Variants in SMIM28 observed in about 807,000 individuals in gnomAD.
SMIM28 encodes small integral membrane protein 28.
intron 1 of SMIM28, among the ~76,000 whole-genome samples, chr6:138,379,106 T>TA (rs1013458928): frequency 5.3e-5 from 8 of 152,086 alleles, no homozygotes; most frequent in South Asian, 2.1e-4. Flanking sequence ...TTTCCACATT[T>TA]AAAAAAAATC....
chr6:138,382,899 T>C lies in SMIM28; in HGVS notation c.*52T>C. 1 of 398,364 alleles carries C rather than the reference T, an allele frequency of 2.5e-6. No homozygotes were observed. Among genetic ancestry groups the C allele is most frequent in the Middle Eastern group, 6.3e-4 (1 of 1,588 alleles). 24.7% of individuals were successfully genotyped at this position (398,364 alleles called of 1,614,324 possible). A position where few individuals can be genotyped will look rare whatever the true frequency, so the allele number is the denominator to read the frequency against. On this transcript the variant is annotated 3_prime_UTR_variant, in exon 2 of 2. Coordinates refer to ENST00000573100, the MANE Select transcript of SMIM28 (RefSeq NM_001368163.3). The stretch of plus-strand genomic sequence containing the variant: ...AAAAATAAACTGCTCTTGGGAATCA[T>C]ACAAAACACAGCTCTCCACCTTTAA...
chr6:138,380,895 T>G (rs1045378203), intron 1 of SMIM28, among the ~76,000 whole-genome samples: 4 of 151,202 alleles, frequency 2.6e-5, no homozygotes, highest in African/African-American at 4.9e-5. Flanking sequence ...TTTATGAGGG[T>G]TTTTTTTGTG....
chr6:138,379,061 A>G (rs1186813111), intron 1 of SMIM28, among the ~76,000 whole-genome samples: 1 of 152,224 alleles, frequency 6.6e-6, no homozygotes, highest in Non-Finnish European at 1.5e-5. Flanking sequence ...TGAGGCGGGT[A>G]AGCAAATTAG....
intron 1 of SMIM28, among the ~76,000 whole-genome samples, chr6:138,380,903 G>T (rs1039382127): frequency 9.2e-5 from 14 of 151,378 alleles, no homozygotes; most frequent in Middle Eastern, 3.4e-3. Context: ...GGTTTTTTTT[G>T]TGTGTGTTTT....
chr6:138,378,914 T>A (rs577049007), intron 1 of SMIM28, among the ~76,000 whole-genome samples: 1 of 152,318 alleles, frequency 6.6e-6, no homozygotes, highest in East Asian at 1.9e-4. Context: ...AATACATAAA[T>A]ATATATTGAT....
chr6:138,382,166 G>A (rs1331955743), intron 1 of SMIM28, among the ~76,000 whole-genome samples: 2 of 152,132 alleles, frequency 1.3e-5, no homozygotes, highest in African/African-American at 2.4e-5. Context: ...GGAGGCCAAG[G>A]GAGGTGAATC....
Position 138,383,050 on chromosome 6 carries a change from C to G in SMIM28, c.*203C>G, listed in dbSNP as rs750876230. 8.7e-5 allele frequency: 33 copies of G among 380,620 alleles called. No individual in the cohort carries two copies. Among genetic ancestry groups the G allele is most frequent in the Non-Finnish European group, 1.3e-4 (29 of 215,414 alleles). The allele number at this position is 380,620 out of a possible 1,614,324, so 23.6% of individuals were successfully genotyped here. ...CTTGGCAAATGCCAATCTGGTTAAC[C>G]TATCTTCACATTCCTTAGGGGAAAG... On this transcript the variant is annotated 3_prime_UTR_variant, in exon 2 of 2. Coordinates refer to ENST00000573100, the MANE Select transcript of SMIM28 (RefSeq NM_001368163.3).
chr6:138,380,909 G>T (rs1001748261), intron 1 of SMIM28, among the ~76,000 whole-genome samples: 1 of 145,636 alleles, frequency 6.9e-6, no homozygotes, highest in South Asian at 2.2e-4. Context: ...TTTTGTGTGT[G>T]TTTTTTTTTT....
At position 138,378,196 on chromosome 6, in the gene SMIM28, G is replaced by T; in HGVS notation, c.111+13G>T. The T allele has an allele frequency of 5.0e-6, 2 of 398,516 alleles. No individual in the cohort carries two copies. Among genetic ancestry groups the T allele is most frequent in the South Asian group, 2.6e-4 (2 of 7,808 alleles). 24.7% of individuals were successfully genotyped at this position (398,516 alleles called of 1,614,324 possible). On this transcript the variant is annotated intron_variant, in intron 1 of 1. Coordinates refer to ENST00000573100, the MANE Select transcript of SMIM28 (RefSeq NM_001368163.3). ...GACCCAGCTGCAGGTCTGTACTTAT[G>T]ACTTAAGTCTTTTCTTCCCCAAAGC...
chr6:138,382,865 T>C lies in SMIM28; in HGVS notation c.*18T>C, dbSNP rs1026880686. 2.5e-5 allele frequency: 10 copies of C among 398,504 alleles called. No individual in the cohort carries two copies. Among genetic ancestry groups the C allele is most frequent in the Non-Finnish European group, 4.0e-5 (9 of 226,142 alleles). The allele number at this position is 398,504 out of a possible 1,614,324, so 24.7% of individuals were successfully genotyped here. On this transcript the variant is annotated 3_prime_UTR_variant, in exon 2 of 2. Transcript: ENST00000573100. ...CAGTATGAAAAGGGCTCACCTGGACTGGAAGAGCAAAAATAAACTGCTCTT... is the reference window on the plus strand; with the variant it reads ...CAGTATGAAAAGGGCTCACCTGGACCGGAAGAGCAAAAATAAACTGCTCTT...
chr6:138,381,661 G>A (rs1042280611), intron 1 of SMIM28, among the ~76,000 whole-genome samples: 1 of 151,942 alleles, frequency 6.6e-6, no homozygotes, highest in Non-Finnish European at 1.5e-5. Flanking sequence ...TTCATCATAC[G>A]CACCATCAAA....
intron 1 of SMIM28, among the ~76,000 whole-genome samples, chr6:138,379,879 AC>A (rs1340781629): frequency 6.6e-6 from 1 of 152,178 alleles, no homozygotes; most frequent in Non-Finnish European, 1.5e-5. Context: ...ATGTAAGAAA[AC>A]CGAAGGAATT....
chr6:138,381,544 T>TTGCCC (rs1328404253), intron 1 of SMIM28, among the ~76,000 whole-genome samples: 1 of 152,212 alleles, frequency 6.6e-6, no homozygotes, highest in African/African-American at 2.4e-5. Flanking sequence ...ACCTTTTAGG[T>TTGCCC]TGCCCAAGAA....
In SMIM28 at chr6:138,378,489, A is replaced by G. The variant is rs889209352; in HGVS notation, c.111+306A>G. On this transcript the variant is annotated intron_variant, in intron 1 of 1. Transcript: ENST00000573100. ...AGAGGTGTTACAACAGAAATGCCTCAGTGTTATAACTTCGCTCTTTGCTCA... is the reference window on the plus strand; with the variant it reads ...AGAGGTGTTACAACAGAAATGCCTCGGTGTTATAACTTCGCTCTTTGCTCA... Among the ~76,000 whole-genome samples, 5 of 152,346 alleles carry G rather than the reference A, an allele frequency of 3.3e-5. 1 individual carries two copies. The highest frequency in any genetic ancestry group is 6.8e-3 in the Middle Eastern group (2 of 294).
At chr6:138,381,623 A>T (rs1461791132) in intron 1 of SMIM28, among the ~76,000 whole-genome samples, 1 of 152,236 alleles carries the variant, frequency 6.6e-6, no homozygotes, top group African/African-American at 2.4e-5. Context: ...TTTTACAAAA[A>T]CAAATTTAAA....
intron 1 of SMIM28, among the ~76,000 whole-genome samples, chr6:138,379,275 C>T (rs969231606): frequency 2.0e-5 from 3 of 152,272 alleles, no homozygotes; most frequent in Admixed American, 2.0e-4. Context: ...ATGCCACTTG[C>T]TATGTGGACA....
intron 1 of SMIM28, among the ~76,000 whole-genome samples, chr6:138,381,361 C>T (rs1204249920): frequency 6.6e-6 from 1 of 152,108 alleles, no homozygotes; most frequent in Non-Finnish European, 1.5e-5. Flanking sequence ...CTTTTTAATA[C>T]TTCGTTATTT....
At chr6:138,380,787 T>TAAATAAATAAATAAATA (rs1554213899) in intron 1 of SMIM28, among the ~76,000 whole-genome samples, 9,534 of 151,152 alleles carry the variant, frequency 0.063, 920 homozygotes, top group African/African-American at 0.2. Context: ...AATACATAAA[T>TAAATAAATAAATAAATA]AAATGCAGGC....
At position 138,382,701 on chromosome 6, in the gene SMIM28, G is replaced by C. The variant is rs543065206; in HGVS notation, c.313G>C (p.Gly105Arg). 2.5e-6 allele frequency: 1 copy of C among 398,616 alleles called. No individual in the cohort carries two copies. The highest frequency in any genetic ancestry group is 3.6e-5 in the East Asian group (1 of 28,036). 24.7% of individuals were successfully genotyped at this position (398,616 alleles called of 1,614,324 possible). Residue 105 changes from glycine (G) to arginine (R), a missense_variant, in exon 2 of 2, where the codon GGC becomes CGC. By Grantham distance (125) the Gly-to-Arg change is moderately radical. Coordinates refer to ENST00000573100, the MANE Select transcript of SMIM28 (RefSeq NM_001368163.3). The part of the protein sequence containing the change: ...PAGEVTDLLP[G>R]LAWSSEDFPY... ...AGGAGAGGTGACAGACCTCCTGCCCGGCCTGGCCTGGAGCAGTGAGGACTT... is the reference window on the plus strand; with the variant it reads ...AGGAGAGGTGACAGACCTCCTGCCCCGCCTGGCCTGGAGCAGTGAGGACTT...
Sources: gnomAD v4.1 joint callset for allele counts (sites outside exome capture counted in the v4.1 genomes callset) on GRCh38, gnomAD v4.1.1 for gene constraint, MANE v1.5 for transcripts, NCBI Gene and HGNC (gene_info 2026-07-23, HGNC 2026-07-21) for gene names.